The following TSHZ1 variants were observed in gnomAD, a reference collection of about 807,000 sequenced individuals.
The protein encoded by TSHZ1 is teashirt homolog 1.
TSHZ1 carries 12 observed loss-of-function variants against 67.1 expected under a neutral mutation model. The ratio of observed to expected loss-of-function variants is 0.18; its 90% CI spans 0.11 to 0.29. The LOEUF is 0.29. Ranked by LOEUF, TSHZ1 falls within the 10% of genes least tolerant of loss-of-function variation. The pLI is 1.00. For missense variants in TSHZ1, 1,305 were observed against 1,413.9 expected (o/e 0.92, Z 1.23); for synonymous variants, 632 against 622.4 (o/e 1.02, Z -0.23).
At chr18:75,265,054 T>A (rs754250398) in intron 1 of TSHZ1, among the ~76,000 whole-genome samples, 57 of 152,224 alleles carry the variant, frequency 3.7e-4, no homozygotes, top group Admixed American at 1.8e-3. Context: ...CATAGAGCAA[T>A]TTTACATGCA....
chr18:75,231,853 G>C (rs1294028785), intron 1 of TSHZ1, among the ~76,000 whole-genome samples: 1 of 151,952 alleles, frequency 6.6e-6, no homozygotes, highest in African/African-American at 2.4e-5. Context: ...TGCGATTTTA[G>C]ATCTTCACAG....
At position 75,287,027 on chromosome 18, in the gene TSHZ1, C is replaced by G; in HGVS notation, c.1620C>G (p.Asp540Glu). 6.2e-7 allele frequency: 1 copy of G among 1,613,996 alleles called. No individual in the cohort carries two copies. Among genetic ancestry groups the G allele is most frequent in the Non-Finnish European group, 8.5e-7 (1 of 1,179,998 alleles). The change falls in exon 2 of 2, where the codon GAC (aspartate) becomes GAG (glutamate). Residue 540 changes from aspartate (D) to glutamate (E), a missense_variant. Asp to Glu is a conservative substitution (Grantham distance 45, BLOSUM62 2). Coordinates refer to ENST00000580243, the MANE Select transcript of TSHZ1 (RefSeq NM_001308210.2). This position sits in a 1 kb window ranked among gnomAD's most constrained non-coding sequence, Gnocchi z 5.0. ...TGTACCCGTACCTGCGTGAGGAGGA[C>G]CTGGACGACAGCCCCAAGGGAGGGC... is the stretch of plus-strand genomic sequence containing the variant. ...STLYPYLREE[D>E]LDDSPKGGLD... is the part of the protein sequence containing the mutation.
chr18:75,220,003 C>A (rs574662743), intron 1 of TSHZ1, among the ~76,000 whole-genome samples: 1 of 152,322 alleles, frequency 6.6e-6, no homozygotes, highest in South Asian at 2.1e-4. Flanking sequence ...ATAGAAAAAC[C>A]TCAGGACTGT....
chr18:75,217,686 A>G (rs781763685), intron 1 of TSHZ1, among the ~76,000 whole-genome samples: 4 of 152,202 alleles, frequency 2.6e-5, no homozygotes, highest in Non-Finnish European at 2.9e-5. Context: ...TTTATGTTTC[A>G]TGCAAAATAT....
In TSHZ1 at chr18:75,277,568, C is replaced by T. The variant is rs534287211; in HGVS notation, c.41-7880C>T. On this transcript the variant is annotated intron_variant, in intron 1 of 1. Transcript: ENST00000580243. Reference sequence around the variant, plus strand: ...TCTGGGAGCTGGTGAGGAGGGCCTGCCTCCTGTGTGTACGTAGATGGTGTC... The same window carrying T: ...TCTGGGAGCTGGTGAGGAGGGCCTGTCTCCTGTGTGTACGTAGATGGTGTC... Among the ~76,000 whole-genome samples, 4 of 152,174 alleles carry T rather than the reference C, an allele frequency of 2.6e-5. No individual in the cohort carries two copies. The East Asian group carries it at 7.7e-4, about 29-fold the overall frequency.
chr18:75,286,944 G>A lies in TSHZ1; in HGVS notation c.1537G>A (p.Ala513Thr), dbSNP rs33930274. 0.034 allele frequency: 54,838 copies of A among 1,614,154 alleles called. 1,038 individuals are homozygous for A. The highest frequency in any genetic ancestry group is 0.069 in the East Asian group (3,107 of 44,870). The change falls in exon 2 of 2, where the codon GCG becomes ACG. Residue 513 changes from alanine (A) to threonine (T), a missense_variant. Ala to Thr is a moderately conservative substitution (Grantham distance 58). Coordinates refer to ENST00000580243, the MANE Select transcript of TSHZ1 (RefSeq NM_001308210.2). The surrounding 1 kb of genome is among the most constrained non-coding windows in gnomAD (Gnocchi z 5.1). ...GGAGAAGCCGCCTGTGGCTGGCGAC[G>A]CGGAGAAGATCAAGGAGGAGAGTGA... ...EKEKPPVAGD[A>T]EKIKEESEDS...
chr18:75,280,847 A>G, intron 1 of TSHZ1: 2 of 984,262 alleles, frequency 2.0e-6, no homozygotes, highest in Non-Finnish European at 2.4e-6. Flanking sequence ...GGAGTGGTGA[A>G]TTCCGTGAGG....
At position 75,211,760 on chromosome 18, in the gene TSHZ1, G is replaced by T; in HGVS notation, c.-117G>T. The T allele has an allele frequency of 1.7e-6, 1 of 572,470 alleles. No individual in the cohort carries two copies. The highest frequency in any genetic ancestry group is 2.2e-6 in the Non-Finnish European group (1 of 453,494). 35.5% of individuals were successfully genotyped at this position (572,470 alleles called of 1,614,324 possible). Reference sequence around the variant, plus strand: ...GGCGCGCCCGGAGCCCGGAGCCCGCGGGGACGAGGCCAAAGTTGGGCGCGC... The same window carrying T: ...GGCGCGCCCGGAGCCCGGAGCCCGCTGGGACGAGGCCAAAGTTGGGCGCGC... On this transcript the variant is annotated 5_prime_UTR_variant, in exon 1 of 2. Transcript: ENST00000580243.
Position 75,210,830 on chromosome 18 carries a change from T to G in TSHZ1, c.-1047T>G, listed in dbSNP as rs988501672. On this transcript the variant is annotated 5_prime_UTR_variant, in exon 1 of 2. It removes an upstream start codon present in the reference 5' UTR. Transcript: ENST00000580243. ...CTGTCTGAAAGCTCTGCGATCCGAA[T>G]GTGTGTTATATTTCACTGAAAAGAG... is the stretch of plus-strand genomic sequence containing the variant. The G allele has an allele frequency of 6.7e-6, 1 of 149,876 alleles. No individual in the cohort carries two copies. Among genetic ancestry groups the G allele is most frequent in the South Asian group, 2.2e-4 (1 of 4,596 alleles). 9.3% of individuals were successfully genotyped at this position (149,876 alleles called of 1,614,324 possible). A position where few individuals can be genotyped will look rare whatever the true frequency, so the allele number is the denominator to read the frequency against.
intron 1 of TSHZ1, among the ~76,000 whole-genome samples, chr18:75,223,060 G>A (rs948700074): frequency 3.9e-5 from 6 of 152,152 alleles, no homozygotes; most frequent in Admixed American, 1.3e-4. Context: ...CCAGCACTGC[G>A]GTACTTGATA....
At chr18:75,261,272 A>T (rs898450365) in intron 1 of TSHZ1, among the ~76,000 whole-genome samples, 1 of 152,198 alleles carries the variant, frequency 6.6e-6, no homozygotes, top group Non-Finnish European at 1.5e-5. Context: ...ACTCTGCCAT[A>T]GAGACCTTCC....
intron 1 of TSHZ1, among the ~76,000 whole-genome samples, chr18:75,268,115 GT>G (rs1377061391): frequency 6.6e-6 from 1 of 152,188 alleles, no homozygotes; most frequent in East Asian, 1.9e-4. Flanking sequence ...ACTTCCAATT[GT>G]TTTGCTGACT....
intron 1 of TSHZ1, among the ~76,000 whole-genome samples, chr18:75,275,339 G>A (rs909737628): frequency 2.0e-5 from 3 of 152,144 alleles, no homozygotes; most frequent in Non-Finnish European, 2.9e-5. Flanking sequence ...AATAAACTTT[G>A]TGTTAAAGTA....
At chr18:75,260,631 C>T (rs1256458200) in intron 1 of TSHZ1, among the ~76,000 whole-genome samples, 1 of 152,192 alleles carries the variant, frequency 6.6e-6, no homozygotes, top group South Asian at 2.1e-4. Flanking sequence ...GCTGGCTGAT[C>T]TTCAAAAAGG....
At chr18:75,245,531 G>C (rs2023211073) in intron 1 of TSHZ1, 1 of 152,224 alleles carries the variant, frequency 6.6e-6, no homozygotes, top group Non-Finnish European at 1.5e-5. Flanking sequence ...AGGCTTTCCA[G>C]GTGCCCGCTG....
chr18:75,242,973 C>G (rs1307906473), intron 1 of TSHZ1, among the ~76,000 whole-genome samples: 1 of 152,222 alleles, frequency 6.6e-6, no homozygotes, highest in East Asian at 1.9e-4. Flanking sequence ...ACTCTGCTGT[C>G]CCTGAGGTGC....
In TSHZ1 at chr18:75,287,202, G is replaced by A. The variant is rs145301120; in HGVS notation, c.1795G>A (p.Val599Met). Residue 599 changes from valine (V) to methionine (M), a missense_variant, in exon 2 of 2, where the codon GTG becomes ATG. Val to Met is a conservative substitution (Grantham distance 21). Around this residue, in one of 3 missense-constraint regions of TSHZ1, gnomAD observed 909 missense variants for 961.8 expected, o/e 0.95. Transcript: ENST00000580243. This position sits in a 1 kb window ranked among gnomAD's most constrained non-coding sequence, Gnocchi z 5.0. The part of the protein sequence containing the change: ...VKPLPAAVQS[V>M]QVQPSYAGGV... ...GCCACTGCCGGCGGCCGTGCAGAGC[G>A]TGCAGGTGCAGCCGTCCTATGCTGG... 1.5e-4 allele frequency: 248 copies of A among 1,613,682 alleles called. No individual in the cohort carries two copies. The highest frequency in any genetic ancestry group is 4.0e-4 in the African/African-American group (30 of 75,044).
intron 1 of TSHZ1, among the ~76,000 whole-genome samples, chr18:75,228,159 T>A (rs538395799): frequency 6.6e-6 from 1 of 152,246 alleles, no homozygotes; most frequent in Non-Finnish European, 1.5e-5. Flanking sequence ...CAACTCACTA[T>A]AGCGTGATTT....
chr18:75,216,285 A>G (rs1315185360), intron 1 of TSHZ1, among the ~76,000 whole-genome samples: 1 of 152,146 alleles, frequency 6.6e-6, no homozygotes, highest in African/African-American at 2.4e-5. Context: ...TATTATGTTA[A>G]TGTATTTAAA....
Sources: allele counts gnomAD v4.1 joint callset (sites outside exome capture counted in the v4.1 genomes callset), GRCh38; gene constraint gnomAD v4.1.1; regional missense constraint gnomAD v4.1.1; non-coding constraint Gnocchi (gnomAD v3.1); transcripts MANE v1.5; gene names NCBI Gene and HGNC (gene_info 2026-07-23, HGNC 2026-07-21).